CNOT10: variants seen among roughly 807,000 people sequenced by gnomAD.
CNOT10 encodes CCR4-NOT transcription complex subunit 10.
Under a neutral mutation model 94.6 loss-of-function variants are expected in CNOT10, and 30 were observed. The ratio of observed to expected loss-of-function variants is 0.32; its 90% CI spans 0.24 to 0.43. The LOEUF (loss-of-function observed/expected upper bound fraction) is 0.43. CNOT10 is among the 20% of genes least tolerant of loss of function. The pLI is 1.00. For synonymous variants in CNOT10, 289 were observed against 301.6 expected (o/e 0.96, Z 0.43); for missense variants, 759 against 877.2 (o/e 0.87, Z 1.70).
chr3:32,712,983 A>G (rs1014199986), intron 4 of CNOT10, among the ~76,000 whole-genome samples: 1 of 152,208 alleles, frequency 6.6e-6, no homozygotes, highest in African/African-American at 2.4e-5. Flanking sequence ...TGTTTAGTAG[A>G]TATTTTCCTA....
intron 12 of CNOT10, 140 bp from the exon 13 acceptor site, chr3:32,737,270 G>T: frequency 1.8e-6 from 1 of 545,140 alleles, no homozygotes; most frequent in Non-Finnish European, 3.3e-6. Flanking sequence ...AGTTGAGATC[G>T]TGCAATTGCA....
At chr3:32,687,473 A>C in intron 1 of CNOT10, among the ~76,000 whole-genome samples, 1 of 528 alleles carries the variant, frequency 1.9e-3, no homozygotes, top group African/African-American at 3.8e-3. Flanking sequence ...TTTTTTTGAG[A>C]CGGAGTCTCG....
chr3:32,747,950 G>A (rs1373599909), intron 13 of CNOT10, among the ~76,000 whole-genome samples: 5 of 151,086 alleles, frequency 3.3e-5, no homozygotes, highest in African/African-American at 1.2e-4. Flanking sequence ...CCGTCCCAAC[G>A]CTCCCCCCAC....
chr3:32,693,734 G>T (rs532012977), intron 1 of CNOT10, among the ~76,000 whole-genome samples: 82 of 151,708 alleles, frequency 5.4e-4, no homozygotes, highest in Non-Finnish European at 1.0e-3. Context: ...TAGAGATGAG[G>T]TTTCGTCATG....
At chr3:32,728,007 A>G (rs902438222) in intron 10 of CNOT10, 137 bp downstream of exon 10, 9 of 405,370 alleles carry the variant, frequency 2.2e-5, no homozygotes, top group Non-Finnish European at 3.6e-5. Context: ...TTATTTATTT[A>G]TTTTTTGAGA....
chr3:32,761,834 G>T (rs1036592592), intron 14 of CNOT10, among the ~76,000 whole-genome samples: 1 of 147,354 alleles, frequency 6.8e-6, no homozygotes, highest in Non-Finnish European at 1.5e-5. Flanking sequence ...GTGCAATGGC[G>T]TGATCTCGGC....
intron 4 of CNOT10, 105 bp from the exon 5 acceptor site, chr3:32,713,122 T>TAA: frequency 2.3e-6 from 2 of 882,136 alleles, no homozygotes; most frequent in Non-Finnish European, 1.7e-6. Context: ...AGTAAAGACT[T>TAA]ATGCTTTGCT....
At chr3:32,745,116 C>T (rs1208177110) in intron 13 of CNOT10, among the ~76,000 whole-genome samples, 1 of 151,950 alleles carries the variant, frequency 6.6e-6, no homozygotes, top group Non-Finnish European at 1.5e-5. Flanking sequence ...TGGCCTCAAG[C>T]GATCCGCCCA....
chr3:32,725,222 G>A (rs552760975), intron 8 of CNOT10, among the ~76,000 whole-genome samples: 148 of 152,098 alleles, frequency 9.7e-4, no homozygotes, highest in Admixed American at 3.8e-3. Flanking sequence ...TAACAAAATA[G>A]GACTGGTTTT....
Position 32,704,846 on chromosome 3 carries a change from C to T in CNOT10, c.153C>T (p.Ala51=). The change falls in exon 3 of 19, where the codon GCC becomes GCT. Residue 51 remains alanine (A), a synonymous_variant. Coordinates refer to ENST00000328834, the MANE Select transcript of CNOT10 (RefSeq NM_015442.3). ...ATGATGCCTGTCTACAACACCTTGC[C>T]TGTCTACAAGATATAAACAAAGATG... ...GNYDACLQHL[A]CLQDINKDDY... 6.4e-7 allele frequency: 1 copy of T among 1,568,114 alleles called. No homozygotes were observed. Among genetic ancestry groups the T allele is most frequent in the Non-Finnish European group, 8.6e-7 (1 of 1,166,576 alleles).
At chr3:32,773,022 T>A (rs551739541) in intron 18 of CNOT10, among the ~76,000 whole-genome samples, 1 of 152,228 alleles carries the variant, frequency 6.6e-6, no homozygotes, top group Admixed American at 6.5e-5. Flanking sequence ...TGCACCACCA[T>A]GCCCAGCTAA....
At chr3:32,766,725 A>AT (rs531400698) in intron 17 of CNOT10, among the ~76,000 whole-genome samples, 13 of 152,178 alleles carry the variant, frequency 8.5e-5, no homozygotes, top group Non-Finnish European at 1.3e-4. Flanking sequence ...TACTGGCAAT[A>AT]TATAACTAAA....
intron 11 of CNOT10, 104 bp downstream of exon 11, chr3:32,733,648 A>C: frequency 1.4e-6 from 1 of 708,198 alleles, no homozygotes; most frequent in Non-Finnish European, 2.1e-6. Context: ...CATAGGAGGA[A>C]CCACTTTGTA....
intron 2 of CNOT10, 92 bp downstream of exon 2, chr3:32,704,054 C>T (rs1697498811): frequency 5.5e-6 from 4 of 722,986 alleles, no homozygotes; most frequent in Non-Finnish European, 9.1e-6. Flanking sequence ...ACAATTTTTA[C>T]TCTGTAATAA....
rs1453533828 is a variant in CNOT10 at position 32,732,233 on chromosome 3, T to C, written c.1216-1190T>C. 1.0e-4 allele frequency among the ~76,000 whole-genome samples: 15 copies of C among 150,112 alleles called. No homozygotes were observed. The East Asian group carries it at 2.8e-3, about 28-fold the overall frequency. ...TGGTGAAACCCCATCTCTACTAAAA[T>C]ACAAAAATTAGCCAGGTGTGGTGAC... On this transcript the variant is annotated intron_variant, in intron 10 of 18. Coordinates refer to ENST00000328834, the MANE Select transcript of CNOT10 (RefSeq NM_015442.3).
chr3:32,730,779 T>C (rs1483005755), intron 10 of CNOT10: 1 of 152,230 alleles, frequency 6.6e-6, no homozygotes, highest in Non-Finnish European at 1.5e-5. Context: ...ATCTGGTACA[T>C]ATTATTTCAG....
At chr3:32,770,011 A>G (rs776637852) in intron 18 of CNOT10, 49 bp downstream of exon 18, 40 of 1,493,046 alleles carry the variant, frequency 2.7e-5, no homozygotes, top group Non-Finnish European at 3.3e-5. Flanking sequence ...AGAGCCTGAG[A>G]TTTTTTGGTT....
Position 32,725,531 on chromosome 3 carries a change from A to G in CNOT10, c.944A>G (p.Tyr315Cys). Reference sequence around the variant, plus strand: ...AGCAAGCACAATTTGGGAATATTCTACTTTAAAAAGGCTCTGCAAGAGAAT... The same window carrying G: ...AGCAAGCACAATTTGGGAATATTCTGCTTTAAAAAGGCTCTGCAAGAGAAT... ...AMSKHNLGIF[Y>C]FKKALQENDN... Residue 315 changes from tyrosine to cysteine, a missense_variant, in exon 9 of 19, where the codon TAC becomes TGC. Physicochemically the swap from Tyr to Cys is radical, Grantham distance 194. This residue lies in a region of CNOT10 where 682 missense variants were observed against 799.4 expected (regional missense o/e 0.85). Transcript: ENST00000328834. 2.5e-6 allele frequency: 4 copies of G among 1,613,994 alleles called. No homozygotes were observed. Among genetic ancestry groups the G allele is most frequent in the Non-Finnish European group, 1.7e-6 (2 of 1,179,842 alleles).
chr3:32,743,991 A>G (rs1254383017), intron 13 of CNOT10, among the ~76,000 whole-genome samples: 1 of 152,180 alleles, frequency 6.6e-6, no homozygotes, highest in Non-Finnish European at 1.5e-5. Flanking sequence ...AGGAAACAGT[A>G]CAAGATGGAA....
Sources: allele counts gnomAD v4.1 joint callset (sites outside exome capture counted in the v4.1 genomes callset), GRCh38; gene constraint gnomAD v4.1.1; regional missense constraint gnomAD v4.1.1; transcripts MANE v1.5; gene names NCBI Gene and HGNC (gene_info 2026-07-23, HGNC 2026-07-21).